The following GLT1D1 variants were observed in gnomAD, a reference collection of about 807,000 sequenced individuals.
GLT1D1 encodes glycosyltransferase 1 domain-containing protein 1.
Under a neutral mutation model 28.7 loss-of-function variants are expected in GLT1D1, and 21 were observed. That is an observed-to-expected ratio of 0.73 (90% CI 0.52 to 1.05). The LOEUF is 1.05. Ranked by LOEUF, GLT1D1 falls within the 50% of genes least tolerant of loss-of-function variation. The pLI is 0.00. For missense variants in GLT1D1, 343 were observed against 330.6 expected (o/e 1.04, Z -0.29); for synonymous variants, 147 against 124.8 (o/e 1.18, Z -1.19).
chr12:128,921,960 TC>T (rs1179522981), intron 4 of GLT1D1, among the ~76,000 whole-genome samples: 1 of 151,856 alleles, frequency 6.6e-6, no homozygotes, highest in African/African-American at 2.4e-5. Flanking sequence ...ATTCTTGACT[TC>T]CCCCTCTTTT....
At chr12:128,923,421 G>A (rs1872845473) in intron 4 of GLT1D1, among the ~76,000 whole-genome samples, 2 of 152,080 alleles carry the variant, frequency 1.3e-5, no homozygotes, top group East Asian at 3.9e-4. Flanking sequence ...TTGTTCTGTG[G>A]TGGGGGGTTT....
In GLT1D1 at chr12:128,956,074, G is replaced by A. The variant is rs1381280230; in HGVS notation, c.541-1471G>A. ...CTCGGGAGGCTGAGGCAGGAGAATG[G>A]CGTGAACCCGAGAGGCGGAGCTTAC... is the stretch of plus-strand genomic sequence containing the variant. On this transcript the variant is annotated intron_variant, in intron 6 of 7. Coordinates refer to ENST00000281703, the MANE Select transcript of GLT1D1 (RefSeq NM_144669.3). 3.4e-5 allele frequency among the ~76,000 whole-genome samples: 5 copies of A among 148,866 alleles called. No homozygotes were observed. In the South Asian group the frequency reaches 6.6e-4, roughly 20 times the overall value.
chr12:128,947,357 A>G lies in GLT1D1; in HGVS notation c.439A>G (p.Ile147Val). 1 of 1,613,974 alleles carries G rather than the reference A, an allele frequency of 6.2e-7. No homozygotes were observed. The highest frequency in any genetic ancestry group is 8.5e-7 in the Non-Finnish European group (1 of 1,179,970). ...TTTCAGAGCCGCTGGGGTACGATTG[A>G]TTGGAGAGATGCCTCAAGAAGATCT... Residue 147 changes from isoleucine to valine, a missense_variant, in exon 6 of 8, where the codon ATT (isoleucine) becomes GTT (valine). By Grantham distance (29) the Ile-to-Val change is conservative. Transcript: ENST00000281703.
chr12:128,929,091 G>T (rs1348257859), intron 4 of GLT1D1, among the ~76,000 whole-genome samples: 1 of 152,190 alleles, frequency 6.6e-6, no homozygotes, highest in African/African-American at 2.4e-5. Context: ...GCCCCGGAGA[G>T]CTGCCTCGCC....
intron 4 of GLT1D1, chr12:128,944,202 C>A: frequency 2.3e-6 from 1 of 436,516 alleles, no homozygotes. Flanking sequence ...TTAGGAAAAG[C>A]AGCTTCTAAA....
At chr12:128,891,949 G>T (rs538248756) in intron 3 of GLT1D1, among the ~76,000 whole-genome samples, 1 of 152,174 alleles carries the variant, frequency 6.6e-6, no homozygotes, top group African/African-American at 2.4e-5. Context: ...ATCTTAGGGA[G>T]ATGTGAGACA....
intron 2 of GLT1D1, among the ~76,000 whole-genome samples, chr12:128,881,699 A>G (rs1165645377): frequency 6.8e-6 from 1 of 147,210 alleles, no homozygotes; most frequent in Non-Finnish European, 1.5e-5. Context: ...AGTATTTAGT[A>G]TGTGCTAAGC....
At position 128,957,557 on chromosome 12, in the gene GLT1D1, GA is replaced by G; in HGVS notation, c.555del (p.Val186TyrfsTer15). 1 of 1,612,782 alleles carries G rather than the reference GA, an allele frequency of 6.2e-7. No individual in the cohort carries two copies. On this transcript the variant is annotated frameshift_variant, in exon 7 of 8. Transcript: ENST00000281703. LOFTEE classifies it high-confidence loss of function. ...CTGTCTCCTCCAGGCAATGGATTTA[GA>G]AGTACCGGTATTGGCCAGGAACATC...
At chr12:128,858,635 C>T (rs1956284335) in intron 1 of GLT1D1, among the ~76,000 whole-genome samples, 1 of 150,952 alleles carries the variant, frequency 6.6e-6, no homozygotes. Context: ...CACACCATTG[C>T]ACTCCAGCCT....
intron 1 of GLT1D1, among the ~76,000 whole-genome samples, chr12:128,873,972 T>TTTTC (rs367729099): frequency 0.029 from 3,851 of 130,840 alleles, 368 homozygotes; most frequent in African/African-American, 0.11. Flanking sequence ...TGTCTTTTTC[T>TTTTC]TTTCTTTTCT....
At chr12:128,926,128 T>C (rs1284170138) in intron 4 of GLT1D1, among the ~76,000 whole-genome samples, 1 of 151,192 alleles carries the variant, frequency 6.6e-6, no homozygotes, top group Non-Finnish European at 1.5e-5. Flanking sequence ...AGGAGGAGGT[T>C]GCAGTGAGCC....
chr12:128,934,404 G>C (rs191484328), intron 4 of GLT1D1, among the ~76,000 whole-genome samples: 7 of 152,196 alleles, frequency 4.6e-5, no homozygotes, highest in African/African-American at 1.7e-4. Context: ...ATGTTGGCCA[G>C]GCTGGTCTCG....
At chr12:128,906,792 G>T (rs191793931) in intron 4 of GLT1D1, 13 of 505,566 alleles carry the variant, frequency 2.6e-5, no homozygotes, top group Admixed American at 7.9e-5. Flanking sequence ...ACTTTGCCTT[G>T]GCACTTGTGA....
intron 6 of GLT1D1, among the ~76,000 whole-genome samples, chr12:128,954,982 C>T (rs1877128131): frequency 6.6e-6 from 1 of 151,998 alleles, no homozygotes; most frequent in Admixed American, 6.5e-5. Context: ...CCCGTCTTCC[C>T]CTGCAAAAAG....
intron 3 of GLT1D1, among the ~76,000 whole-genome samples, chr12:128,896,576 T>C (rs1286045510): frequency 8.7e-6 from 1 of 114,938 alleles, no homozygotes; most frequent in African/African-American, 3.7e-5. Context: ...TGACACATAC[T>C]TTTTTTTTTT....
chr12:128,913,926 T>C (rs907242785), intron 4 of GLT1D1, among the ~76,000 whole-genome samples: 1 of 151,840 alleles, frequency 6.6e-6, no homozygotes. Flanking sequence ...TACAGTGGAG[T>C]ATGGAAAGCG....
chr12:128,905,702 C>T (rs554490589), intron 4 of GLT1D1, among the ~76,000 whole-genome samples: 2 of 152,264 alleles, frequency 1.3e-5, no homozygotes, highest in African/African-American at 4.8e-5. Flanking sequence ...AATATACAAT[C>T]CTAGTGGGCT....
chr12:128,891,584 A>G (rs1006798493), intron 3 of GLT1D1, among the ~76,000 whole-genome samples: 1 of 152,136 alleles, frequency 6.6e-6, no homozygotes, highest in African/African-American at 2.4e-5. Flanking sequence ...CTGGCCAGGG[A>G]ATTTGGGACA....
At chr12:128,954,988 A>G (rs1877128725) in intron 6 of GLT1D1, among the ~76,000 whole-genome samples, 2 of 152,110 alleles carry the variant, frequency 1.3e-5, no homozygotes, top group African/African-American at 4.8e-5. Flanking sequence ...TTCCCCTGCA[A>G]AAAGGTTATT....
Sources: allele counts gnomAD v4.1 joint callset (sites outside exome capture counted in the v4.1 genomes callset), GRCh38; gene constraint gnomAD v4.1.1; transcripts MANE v1.5; gene names NCBI Gene and HGNC (gene_info 2026-07-23, HGNC 2026-07-21).